Variants in SNAP91 observed in about 807,000 individuals in gnomAD.
SNAP91 encodes clathrin coat assembly protein AP180.
Under a neutral mutation model 100.3 loss-of-function variants are expected in SNAP91, and 27 were observed. The ratio of observed to expected loss-of-function variants is 0.27; its 90% CI spans 0.20 to 0.37. The LOEUF (loss-of-function observed/expected upper bound fraction) is 0.37. SNAP91 is among the 10% of genes least tolerant of loss of function. The pLI is 1.00. For missense variants in SNAP91, 986 were observed against 1,123.7 expected, an observed-to-expected ratio of 0.88 and a Z score of 1.75; for synonymous variants, 404 against 398.6, an observed-to-expected ratio of 1.01 and a Z score of -0.16.
chr6:83,692,047 T>C (rs527830596), intron 2 of SNAP91, among the ~76,000 whole-genome samples: 6 of 152,284 alleles, frequency 3.9e-5, no homozygotes, highest in Non-Finnish European at 8.8e-5. Context: ...TAAACTATCA[T>C]CTCTCAAGCA....
intron 1 of SNAP91, 96 bp from the exon 2 acceptor site, chr6:83,708,053 T>C: frequency 9.5e-7 from 1 of 1,052,250 alleles, no homozygotes; most frequent in East Asian, 3.0e-5. Flanking sequence ...GGCGGCTCTC[T>C]CCTCCTCCAT....
intron 23 of SNAP91, 22 bp from the exon 24 acceptor site, chr6:83,580,621 T>G (rs1283501489): frequency 6.4e-7 from 1 of 1,573,140 alleles, no homozygotes; most frequent in Admixed American, 1.9e-5. Context: ...ATAGACTAGG[T>G]TCAGAATAAT....
intron 26 of SNAP91, among the ~76,000 whole-genome samples, chr6:83,571,561 C>T (rs180793392): frequency 4.6e-5 from 7 of 152,248 alleles, no homozygotes; most frequent in East Asian, 1.9e-4. Flanking sequence ...TTTGGAATGG[C>T]GGTATTTACC....
chr6:83,677,570 T>C (rs769496108), intron 2 of SNAP91, among the ~76,000 whole-genome samples: 1 of 152,100 alleles, frequency 6.6e-6, no homozygotes, highest in Non-Finnish European at 1.5e-5. Flanking sequence ...AGTAGAAAAT[T>C]ATTTAGACAA....
intron 28 of SNAP91, among the ~76,000 whole-genome samples, chr6:83,557,768 C>A (rs1780988359): frequency 6.6e-6 from 1 of 152,084 alleles, no homozygotes; most frequent in Non-Finnish European, 1.5e-5. Flanking sequence ...AAGGCTTGAA[C>A]TTCCTTAAAT....
intron 3 of SNAP91, among the ~76,000 whole-genome samples, chr6:83,662,820 T>C (rs1459995200): frequency 6.6e-6 from 1 of 152,100 alleles, no homozygotes; most frequent in Non-Finnish European, 1.5e-5. Flanking sequence ...TAAAAATAGG[T>C]TTACATGGTA....
intron 16 of SNAP91, among the ~76,000 whole-genome samples, chr6:83,600,144 T>C (rs2094998876): frequency 6.6e-6 from 1 of 152,156 alleles, no homozygotes; most frequent in African/African-American, 2.4e-5. Context: ...TACAAACAGG[T>C]TTCTCCTGTT....
Position 83,560,191 on chromosome 6 carries a change from G to T in SNAP91, c.2544C>A (p.Gly848=). ...AGFGMPPAGT[G]MPMMPQQPVM... ...CCGGCTGCTGAGGCATCATGGGCAT[G>T]CCTGTCCCAGCAGGAGGCTGAGGAG... The change falls in exon 28 of 30, where the codon GGC becomes GGA. Residue 848 remains glycine (G), a synonymous_variant. Transcript: ENST00000369694. 6.2e-7 allele frequency: 1 copy of T among 1,613,822 alleles called. No individual in the cohort carries two copies. Among genetic ancestry groups the T allele is most frequent in the Non-Finnish European group, 8.5e-7 (1 of 1,179,794 alleles).
chr6:83,565,094 G>A (rs1794735152), intron 26 of SNAP91, among the ~76,000 whole-genome samples: 1 of 151,248 alleles, frequency 6.6e-6, no homozygotes, highest in East Asian at 1.9e-4. Context: ...ATGGGCTAAG[G>A]ATGTTATAGG....
intron 14 of SNAP91, among the ~76,000 whole-genome samples, chr6:83,601,981 C>T (rs1490800754): frequency 6.6e-6 from 1 of 152,062 alleles, no homozygotes; most frequent in Non-Finnish European, 1.5e-5. Context: ...TAAATTCTGG[C>T]AGTAATCCCA....
chr6:83,595,661 C>T (rs2094387964), intron 16 of SNAP91, among the ~76,000 whole-genome samples: 1 of 152,164 alleles, frequency 6.6e-6, no homozygotes. Flanking sequence ...TCCCCAAATA[C>T]TGTCTTCCGC....
At chr6:83,582,748 C>A (rs1830227746) in intron 22 of SNAP91, among the ~76,000 whole-genome samples, 1 of 152,108 alleles carries the variant, frequency 6.6e-6, no homozygotes, top group Non-Finnish European at 1.5e-5. Context: ...ATGTTTACTG[C>A]AAATTATAAT....
chr6:83,592,926 G>A lies in SNAP91; in HGVS notation c.1846+20C>T, dbSNP rs1284645037. The A allele has an allele frequency of 1.3e-6, 2 of 1,558,072 alleles. No individual in the cohort carries two copies. Among genetic ancestry groups the A allele is most frequent in the Admixed American group, 3.8e-5 (2 of 52,980 alleles). On this transcript the variant is annotated intron_variant, in intron 20 of 29. Coordinates refer to ENST00000369694, the MANE Select transcript of SNAP91 (RefSeq NM_001242792.2). ...TTCCACAAGACATCTCTGAAGTCCT[G>A]ACCTTGGCAAAGCACTCACCAGATA...
chr6:83,566,729 A>C (rs1341633299), intron 26 of SNAP91, among the ~76,000 whole-genome samples: 1 of 152,136 alleles, frequency 6.6e-6, no homozygotes, highest in African/African-American at 2.4e-5. Flanking sequence ...GCCCAACATA[A>C]ATAATAAAAT....
rs2096385804 is a variant in SNAP91 at position 83,614,845 on chromosome 6, T to C, written c.884+12A>G. The C allele has an allele frequency of 1.3e-6, 2 of 1,587,594 alleles. No homozygotes were observed. Among genetic ancestry groups the C allele is most frequent in the South Asian group, 1.1e-5 (1 of 89,080 alleles). ...TACCAAATGCAAAAAACTCACTCCA[T>C]ACAGTACTCACCCTTCACTTAAGTT... On this transcript the variant is annotated intron_variant, in intron 11 of 29. Coordinates refer to ENST00000369694, the MANE Select transcript of SNAP91 (RefSeq NM_001242792.2).
rs2093979446 is a variant in SNAP91, at chr6:83,592,934, C to T, written c.1846+12G>A. 2.5e-6 allele frequency: 4 copies of T among 1,569,798 alleles called. No homozygotes were observed. Among genetic ancestry groups the T allele is most frequent in the Non-Finnish European group, 3.5e-6 (4 of 1,156,066 alleles). On this transcript the variant is annotated intron_variant, in intron 20 of 29. Transcript: ENST00000369694. ...GACATCTCTGAAGTCCTGACCTTGG[C>T]AAAGCACTCACCAGATAAGAGGTCA...
At chr6:83,670,206 C>A (rs1368120932) in intron 2 of SNAP91, among the ~76,000 whole-genome samples, 1 of 148,116 alleles carries the variant, frequency 6.8e-6, no homozygotes, top group Non-Finnish European at 1.5e-5. Flanking sequence ...TATGAGCATT[C>A]TAGTTGCTCT....
chr6:83,568,984 T>C (rs867523841), intron 26 of SNAP91, among the ~76,000 whole-genome samples: 1 of 152,180 alleles, frequency 6.6e-6, no homozygotes. Context: ...GGTGTAAAGG[T>C]ATGTTGGAGA....
chr6:83,669,748 C>T (rs575089302), intron 2 of SNAP91, among the ~76,000 whole-genome samples: 42 of 151,946 alleles, frequency 2.8e-4, no homozygotes, highest in African/African-American at 1.0e-3. Flanking sequence ...AAACTTTTTT[C>T]TTGAGAGGGA....
Sources: gnomAD v4.1 joint callset for allele counts (sites outside exome capture counted in the v4.1 genomes callset) on GRCh38, gnomAD v4.1.1 for gene constraint, MANE v1.5 for transcripts, NCBI Gene and HGNC (gene_info 2026-07-23, HGNC 2026-07-21) for gene names.